The following MYOM1 variants were observed in gnomAD, a reference collection of about 807,000 sequenced individuals.
MYOM1 encodes myomesin 1.
A neutral mutation model predicts 205.3 loss-of-function variants in MYOM1; 164 were observed. The ratio of observed to expected loss-of-function variants is 0.80; its 90% CI spans 0.70 to 0.91. The LOEUF is 0.91. Ranked by LOEUF, MYOM1 falls within the 40% of genes least tolerant of loss-of-function variation. MYOM1 has a pLI of 0.00. For missense variants in MYOM1, 2,011 were observed against 2,127.3 expected (o/e 0.95, Z 1.08); for synonymous variants, 772 against 789.4 (o/e 0.98, Z 0.37).
In MYOM1 at chr18:3,094,172, G is replaced by A. The variant is rs1598663429; in HGVS notation, c.3862C>T (p.Pro1288Ser). 6.2e-7 allele frequency: 1 copy of A among 1,613,688 alleles called. No homozygotes were observed. Among genetic ancestry groups the A allele is most frequent in the African/African-American group, 1.3e-5 (1 of 74,960 alleles). ...AGTCTAAACAGTGTAAAACCTACCG[G>A]GCCTTCAAAAATTTCCTTCTCGTTA... ...IFNEKEIFEG[P>S]KYKMHIDRNT... The change falls in exon 26 of 38, where the codon CCG (proline) becomes TCG (serine). Residue 1288 changes from proline (P) to serine (S), a missense_variant and splice_region_variant. By Grantham distance (74) the Pro-to-Ser change is moderately conservative. Coordinates refer to ENST00000356443, the MANE Select transcript of MYOM1 (RefSeq NM_003803.4).
intron 12 of MYOM1, among the ~76,000 whole-genome samples, chr18:3,150,643 A>G (rs2080205229): frequency 6.6e-6 from 1 of 152,302 alleles, no homozygotes; most frequent in Middle Eastern, 3.4e-3. Context: ...GAAGCCTGGC[A>G]TAAGCCTGAA....
intron 2 of MYOM1, among the ~76,000 whole-genome samples, 159 bp downstream of exon 2, chr18:3,214,775 G>A (rs1278401278): frequency 2.0e-5 from 3 of 152,246 alleles, no homozygotes; most frequent in African/African-American, 7.2e-5. Context: ...GCAGGGAGCC[G>A]AGATCACGCC....
chr18:3,108,241 G>A (rs1046736335), intron 22 of MYOM1, among the ~76,000 whole-genome samples: 23 of 152,158 alleles, frequency 1.5e-4, no homozygotes, highest in African/African-American at 5.3e-4. Flanking sequence ...TGCTGCAGTC[G>A]CAGTGGATTG....
Position 3,105,638 on chromosome 18 carries a change from T to C in MYOM1, c.3419-3008A>G, listed in dbSNP as rs370357179. On this transcript the variant is annotated intron_variant, in intron 22 of 37. Transcript: ENST00000356443. ...AGGAGGCCGTGGCAGGGGGATCACT[T>C]GAGGCCAGGAGTTCAAAACCAGCCT... Among the ~76,000 whole-genome samples, 613 of 152,242 alleles carry C rather than the reference T, an allele frequency of 4.0e-3. 6 individuals carry two copies. The highest frequency in any genetic ancestry group is 0.013 in the African/African-American group (559 of 41,538).
intron 10 of MYOM1, among the ~76,000 whole-genome samples, chr18:3,160,653 T>C (rs1205377689): frequency 1.3e-5 from 2 of 152,268 alleles, no homozygotes; most frequent in Non-Finnish European, 2.9e-5. Flanking sequence ...CATTTATAAG[T>C]GAAATCTTTT....
At chr18:3,236,075 C>T in the MYOM1 span, among the ~76,000 whole-genome samples, 1 of 152,136 alleles carries the variant, frequency 6.6e-6, no homozygotes, top group African/African-American at 2.4e-5. Context: ...GTTATTGGGC[C>T]TTGCAGGCCA....
intron 22 of MYOM1, among the ~76,000 whole-genome samples, chr18:3,109,643 G>A (rs2079497655): frequency 6.6e-6 from 1 of 152,228 alleles, no homozygotes; most frequent in African/African-American, 2.4e-5. Flanking sequence ...TATAGAACAT[G>A]AGAGAGTTGT....
intron 22 of MYOM1, among the ~76,000 whole-genome samples, chr18:3,108,262 T>C (rs2079477750): frequency 1.3e-5 from 2 of 152,190 alleles, no homozygotes; most frequent in African/African-American, 4.8e-5. Flanking sequence ...ATTTTGTCTA[T>C]GCAGTGGGAA....
chr18:3,151,985 T>G (rs2080229862), intron 11 of MYOM1, 92 bp from the exon 12 acceptor site: 1 of 1,317,446 alleles, frequency 7.6e-7, no homozygotes, highest in Admixed American at 2.3e-5. Flanking sequence ...TTGTTTCAGA[T>G]CTTCTCCCTA....
At chr18:3,194,031 G>A in intron 2 of MYOM1, 73 bp from the exon 3 acceptor site, 2 of 1,484,742 alleles carry the variant, frequency 1.3e-6, no homozygotes, top group East Asian at 2.4e-5. Context: ...GATAGAGGAA[G>A]TTTTAACTTG....
At chr18:3,141,387 C>T (rs1055477383) in intron 14 of MYOM1, among the ~76,000 whole-genome samples, 5 of 152,200 alleles carry the variant, frequency 3.3e-5, no homozygotes, top group Non-Finnish European at 7.3e-5. Flanking sequence ...AAAGAACTTG[C>T]CAATATTTAT....
chr18:3,124,680 G>A (rs2079753762), intron 19 of MYOM1, among the ~76,000 whole-genome samples: 2 of 152,056 alleles, frequency 1.3e-5, no homozygotes, highest in South Asian at 4.2e-4. Flanking sequence ...GTGGGGGGGG[G>A]TTAATTTTGA....
intron 11 of MYOM1, among the ~76,000 whole-genome samples, chr18:3,153,657 A>G (rs1390739152): frequency 2.0e-5 from 3 of 152,256 alleles, no homozygotes; most frequent in Admixed American, 2.0e-4. Context: ...ATTAGTTCAC[A>G]TGGATGGTTA....
At chr18:3,113,278 A>G (rs149988890) in intron 21 of MYOM1, among the ~76,000 whole-genome samples, 2,361 of 143,626 alleles carry the variant, frequency 0.016, 72 homozygotes, top group African/African-American at 0.059. Context: ...ATGTATATAT[A>G]TGTGTGTATG....
In MYOM1 at chr18:3,083,430, T is replaced by TC. The variant is rs1555615146; in HGVS notation, c.4484+358_4484+359insG. Among the ~76,000 whole-genome samples, 10 of 120,526 alleles carry TC rather than the reference T, an allele frequency of 8.3e-5. No homozygotes were observed. The South Asian group carries it at 1.2e-3, about 14-fold the overall frequency. The allele number at this position is 120,526 out of a possible 152,430, so 79.1% of individuals were successfully genotyped here. A position where few individuals can be genotyped will look rare whatever the true frequency, so the allele number is the denominator to read the frequency against. ...TTTCTTTTTTCTTTTTCTTTTTCTT[T>TC]TTTTTTTTTTTTTTTTGAGACAGTG... On this transcript the variant is annotated intron_variant, in intron 33 of 37. Transcript: ENST00000356443.
At chr18:3,077,569 A>C (rs2079033667) in intron 34 of MYOM1, among the ~76,000 whole-genome samples, 1 of 152,092 alleles carries the variant, frequency 6.6e-6, no homozygotes, top group Non-Finnish European at 1.5e-5. Context: ...CACCACTCTG[A>C]CAGAGAGGTG....
chr18:3,107,140 C>G (rs1000627030), intron 22 of MYOM1, among the ~76,000 whole-genome samples: 1 of 151,566 alleles, frequency 6.6e-6, no homozygotes, highest in Non-Finnish European at 1.5e-5. Flanking sequence ...TTTTTTGAGA[C>G]GGAGTCTCAC....
chr18:3,113,962 A>G lies in MYOM1; in HGVS notation c.3304-1550T>C, dbSNP rs79641460. On this transcript the variant is annotated intron_variant, in intron 21 of 37. Transcript: ENST00000356443. ...TATTTGTTTACAGCAGAATGTCACT[A>G]TTTATGTAGTAATAGCCCTCACTGG... Among the ~76,000 whole-genome samples the G allele has an allele frequency of 2.7e-4, 41 of 152,326 alleles. 2 individuals are homozygous for G. In the East Asian group the frequency reaches 7.7e-3, roughly 29 times the overall value.
chr18:3,205,025 A>T (rs890579757), intron 2 of MYOM1, among the ~76,000 whole-genome samples: 1 of 152,098 alleles, frequency 6.6e-6, no homozygotes, highest in Non-Finnish European at 1.5e-5. Flanking sequence ...CCATATGTGA[A>T]AGGACGAATT....
Sources: gnomAD v4.1 joint callset for allele counts (sites outside exome capture counted in the v4.1 genomes callset) on GRCh38, gnomAD v4.1.1 for gene constraint, MANE v1.5 for transcripts, NCBI Gene and HGNC (gene_info 2026-07-23, HGNC 2026-07-21) for gene names.